JAKMIP1: variants seen among roughly 807,000 people sequenced by gnomAD.
JAKMIP1 encodes the protein janus kinase and microtubule-interacting protein 1.
A neutral mutation model predicts 113.0 loss-of-function variants in JAKMIP1; 33 were observed. The observed-to-expected ratio is 0.29, with a 90% CI of 0.22 to 0.39. The LOEUF (loss-of-function observed/expected upper bound fraction) is 0.39. Among genes scored for constraint, JAKMIP1 ranks in the 10% least tolerant of loss-of-function variants. The pLI, the probability that JAKMIP1 is intolerant of heterozygous loss-of-function variation, is 1.00. For synonymous variants in JAKMIP1, 480 were observed against 459.9 expected (o/e 1.04, Z -0.56); for missense variants, 813 against 1,080.5 (o/e 0.75, Z 3.47).
intron 1 of JAKMIP1, among the ~76,000 whole-genome samples, chr4:6,198,316 C>A (rs1308242571): frequency 6.6e-6 from 1 of 151,452 alleles, no homozygotes; most frequent in Non-Finnish European, 1.5e-5. Flanking sequence ...TTGTTTTAGA[C>A]GGGGGGAAAA....
rs181702299 is a variant in JAKMIP1 at position 6,178,227 on chromosome 4, T to C, written c.-148+22026A>G. On this transcript the variant is annotated intron_variant, in intron 1 of 20. Coordinates refer to ENST00000409021, the MANE Select transcript of JAKMIP1 (RefSeq NM_001099433.2). This position sits in a 1 kb window ranked among gnomAD's most constrained non-coding sequence, Gnocchi z 5.5. ...TAATGTTTTGTATCTCATTTTTGAA[T>C]TGAGAGACGTGGCTACCTTTCAGGT... 6.6e-6 allele frequency among the ~76,000 whole-genome samples: 1 copy of C among 152,364 alleles called. No individual in the cohort carries two copies. The highest frequency in any genetic ancestry group is 1.9e-4 in the East Asian group (1 of 5,186).
chr4:6,138,753 A>C lies in JAKMIP1; in HGVS notation c.-147-25756T>G, dbSNP rs913559314. On this transcript the variant is annotated intron_variant, in intron 1 of 20. Transcript: ENST00000409021. This position sits in a 1 kb window ranked among gnomAD's most constrained non-coding sequence, Gnocchi z 6.0. The stretch of plus-strand genomic sequence containing the variant: ...AATGGGTACGAATCTTGACTCTACC[A>C]CTTGTTAGCTGTTTGTCCTGGGGCA... 2.2e-4 allele frequency among the ~76,000 whole-genome samples: 33 copies of C among 152,118 alleles called. No homozygotes were observed. The highest frequency in any genetic ancestry group is 7.7e-4 in the African/African-American group (32 of 41,392).
At chr4:6,029,023 T>C (rs969264694) in intron 20 of JAKMIP1, among the ~76,000 whole-genome samples, 1 of 152,184 alleles carries the variant, frequency 6.6e-6, no homozygotes, top group Admixed American at 6.5e-5. Context: ...GGCAATACCA[T>C]GATAAAACTG....
rs187736677 is a variant in JAKMIP1, at chr4:6,072,081, T to C, written c.1302+6858A>G. Among the ~76,000 whole-genome samples the C allele has an allele frequency of 2.4e-3, 362 of 152,380 alleles. 1 individual carries two copies. Among genetic ancestry groups the C allele is most frequent in the Non-Finnish European group, 3.9e-3 (263 of 68,032 alleles). On this transcript the variant is annotated intron_variant, in intron 8 of 20. Transcript: ENST00000409021. Reference sequence around the variant, plus strand: ...AAGGTTAAGCATCTCTACAGGTAGCTGCTCCATGTTCACCTTATCTTATGT... The same window carrying C: ...AAGGTTAAGCATCTCTACAGGTAGCCGCTCCATGTTCACCTTATCTTATGT...
At chr4:6,195,391 T>G (rs1195405438) in intron 1 of JAKMIP1, among the ~76,000 whole-genome samples, 1 of 152,184 alleles carries the variant, frequency 6.6e-6, no homozygotes, top group Non-Finnish European at 1.5e-5. Flanking sequence ...TAGAAATGGT[T>G]AATATATTAA....
At chr4:6,053,675 T>G in intron 13 of JAKMIP1, 1 of 559,084 alleles carries the variant, frequency 1.8e-6, no homozygotes, top group Non-Finnish European at 2.4e-6. Flanking sequence ...TCCGTCTGGG[T>G]GTGCAGAATG....
intron 3 of JAKMIP1, among the ~76,000 whole-genome samples, chr4:6,099,151 C>G (rs1176107505): frequency 1.3e-5 from 2 of 152,128 alleles, no homozygotes; most frequent in African/African-American, 4.8e-5. Flanking sequence ...TAAAGTGTGA[C>G]TTTTGTATCC....
Position 6,067,634 on chromosome 4 carries a change from A to G in JAKMIP1, c.1303-2626T>C, listed in dbSNP as rs1393609857. Among the ~76,000 whole-genome samples, 4 of 147,690 alleles carry G rather than the reference A, an allele frequency of 2.7e-5. No individual in the cohort carries two copies. Among genetic ancestry groups the G allele is most frequent in the Non-Finnish European group, 6.1e-5 (4 of 66,046 alleles). ...CCCCCCTGAGCTCCAGGTTCACTCA[A>G]GCTCTTCTGCACACACACACACAGG... is the stretch of plus-strand genomic sequence containing the variant. On this transcript the variant is annotated intron_variant, in intron 8 of 20. Transcript: ENST00000409021. The surrounding 1 kb of genome is among the most constrained non-coding windows in gnomAD (Gnocchi z 4.6).
At position 6,141,575 on chromosome 4, in the gene JAKMIP1, G is replaced by A. The variant is rs1720154857; in HGVS notation, c.-147-28578C>T. Among the ~76,000 whole-genome samples, 1 of 152,292 alleles carries A rather than the reference G, an allele frequency of 6.6e-6. No homozygotes were observed. The highest frequency in any genetic ancestry group is 2.4e-5 in the African/African-American group (1 of 41,550). On this transcript the variant is annotated intron_variant, in intron 1 of 20. Coordinates refer to ENST00000409021, the MANE Select transcript of JAKMIP1 (RefSeq NM_001099433.2). The surrounding 1 kb of genome is among the most constrained non-coding windows in gnomAD (Gnocchi z 9.4). ...TTAGGACCCCCATAAATAATTTTAT[G>A]GGCAACAGCACCTATGCCCCAGGGC... is the stretch of plus-strand genomic sequence containing the variant.
chr4:6,033,298 C>T (rs1047234261), intron 19 of JAKMIP1, among the ~76,000 whole-genome samples: 2 of 152,132 alleles, frequency 1.3e-5, no homozygotes, highest in Non-Finnish European at 2.9e-5. Context: ...ATGGTTGAAG[C>T]GGGTAGCTAG....
At position 6,154,930 on chromosome 4, in the gene JAKMIP1, C is replaced by T. The variant is rs139622709; in HGVS notation, c.-147-41933G>A. 7.7e-3 allele frequency among the ~76,000 whole-genome samples: 1,169 copies of T among 152,208 alleles called. 6 individuals carry two copies. The highest frequency in any genetic ancestry group is 0.024 in the Middle Eastern group (7 of 294). On this transcript the variant is annotated intron_variant, in intron 1 of 20. Coordinates refer to ENST00000409021, the MANE Select transcript of JAKMIP1 (RefSeq NM_001099433.2). The surrounding 1 kb of genome is among the most constrained non-coding windows in gnomAD (Gnocchi z 4.2). The stretch of plus-strand genomic sequence containing the variant: ...TCACTCCACAAACCAACACAGAGCA[C>T]GCAGGGAAAGGTGCGGGGTAGGGTG...
chr4:6,054,520 C>T (rs1716082109), intron 12 of JAKMIP1, among the ~76,000 whole-genome samples: 1 of 152,222 alleles, frequency 6.6e-6, no homozygotes, highest in South Asian at 2.1e-4. Flanking sequence ...CACCCAAAGC[C>T]TGTCCAGGTC....
chr4:6,042,242 G>A lies in JAKMIP1; in HGVS notation c.2029-15C>T, dbSNP rs1210430539. ...TGCTTCAGCCACTAGAAAACAGCAG[G>A]GACAGGACGGGTGCAGCAAAGTGAG... On this transcript the variant is annotated splice_polypyrimidine_tract_variant and intron_variant, in intron 16 of 20. Transcript: ENST00000409021. The surrounding 1 kb of genome is among the most constrained non-coding windows in gnomAD (Gnocchi z 5.2). The A allele has an allele frequency of 2.5e-6, 4 of 1,610,406 alleles. No homozygotes were observed. In the South Asian group the frequency reaches 4.4e-5, roughly 18 times the overall value.
chr4:6,061,558 C>A lies in JAKMIP1; in HGVS notation c.1560+754G>T, dbSNP rs1369971827. On this transcript the variant is annotated intron_variant, in intron 10 of 20. Coordinates refer to ENST00000409021, the MANE Select transcript of JAKMIP1 (RefSeq NM_001099433.2). The surrounding 1 kb of genome is among the most constrained non-coding windows in gnomAD (Gnocchi z 5.3). ...GAGCACAGGCCCTGAGTCCGAGAAA[C>A]CTGGCCTCGACTCCCAGCTCTGTTC... Among the ~76,000 whole-genome samples the A allele has an allele frequency of 6.6e-6, 1 of 152,198 alleles. No individual in the cohort carries two copies. Among genetic ancestry groups the A allele is most frequent in the Non-Finnish European group, 1.5e-5 (1 of 68,046 alleles).
At chr4:6,160,561 C>G (rs1422589993) in intron 1 of JAKMIP1, among the ~76,000 whole-genome samples, 1 of 152,120 alleles carries the variant, frequency 6.6e-6, no homozygotes, top group South Asian at 2.1e-4. Context: ...CCCATTCCCA[C>G]CTTTTCCCAA....
In JAKMIP1 at chr4:6,184,311, C is replaced by T. The variant is rs1251437321; in HGVS notation, c.-148+15942G>A. Among the ~76,000 whole-genome samples, 1 of 152,170 alleles carries T rather than the reference C, an allele frequency of 6.6e-6. No individual in the cohort carries two copies. The highest frequency in any genetic ancestry group is 2.4e-5 in the African/African-American group (1 of 41,418). On this transcript the variant is annotated intron_variant, in intron 1 of 20. Transcript: ENST00000409021. The surrounding 1 kb of genome is among the most constrained non-coding windows in gnomAD (Gnocchi z 4.5). ...ATGCCCTAGGGAAGGAAGAACCGCT[C>T]CCAGGCACCACAGCCAGGAAGGGGG... is the stretch of plus-strand genomic sequence containing the variant.
At chr4:6,103,708 T>C (rs1713453998) in intron 3 of JAKMIP1, among the ~76,000 whole-genome samples, 2 of 152,214 alleles carry the variant, frequency 1.3e-5, no homozygotes, top group South Asian at 4.1e-4. Flanking sequence ...GATTTTCTAT[T>C]TGTTTCATGT....
chr4:6,166,634 TA>T (rs1337014206), intron 1 of JAKMIP1, among the ~76,000 whole-genome samples: 2 of 152,228 alleles, frequency 1.3e-5, no homozygotes, highest in Non-Finnish European at 2.9e-5. Context: ...CATTATCTAC[TA>T]TGTCAGGCAG....
Position 6,188,113 on chromosome 4 carries a change from G to T in JAKMIP1, c.-148+12140C>A, listed in dbSNP as rs966073757. Reference sequence around the variant, plus strand: ...TTTTCTTTTTGGTTCCAGTAAATGGGAGCCAATCAATTATTTATCCAAGAG... The same window carrying T: ...TTTTCTTTTTGGTTCCAGTAAATGGTAGCCAATCAATTATTTATCCAAGAG... On this transcript the variant is annotated intron_variant, in intron 1 of 20. Transcript: ENST00000409021. The surrounding 1 kb of genome is among the most constrained non-coding windows in gnomAD (Gnocchi z 5.8). Among the ~76,000 whole-genome samples, 1 of 152,076 alleles carries T rather than the reference G, an allele frequency of 6.6e-6. No individual in the cohort carries two copies. The highest frequency in any genetic ancestry group is 2.4e-5 in the African/African-American group (1 of 41,406).
Sources: allele counts gnomAD v4.1 joint callset (sites outside exome capture counted in the v4.1 genomes callset), GRCh38; gene constraint gnomAD v4.1.1; non-coding constraint Gnocchi (gnomAD v3.1); transcripts MANE v1.5; gene names NCBI Gene and HGNC (gene_info 2026-07-23, HGNC 2026-07-21).